Variants in CAMK1D observed in about 807,000 individuals in gnomAD.
CAMK1D encodes the protein calcium/calmodulin-dependent protein kinase type 1D.
CAMK1D carries 9 observed loss-of-function variants against 47.7 expected under a neutral mutation model. That is an observed-to-expected ratio of 0.19 (90% CI 0.11 to 0.33). The LOEUF (loss-of-function observed/expected upper bound fraction) is 0.33. CAMK1D is among the 10% of genes least tolerant of loss of function. The probability of loss-of-function intolerance (pLI) is 1.00; values close to 1 mark genes in which losing one functional copy is unlikely to be tolerated. For missense variants in CAMK1D, 291 were observed against 488.7 expected (o/e 0.60, Z 3.81); for synonymous variants, 184 against 184.9 (o/e 0.99, Z 0.04).
chr10:12,825,653 T>C lies in CAMK1D; in HGVS notation c.1002T>C (p.Ser334=). 1 of 1,614,234 alleles carries C rather than the reference T, an allele frequency of 6.2e-7. No individual in the cohort carries two copies. Residue 334 remains serine, a synonymous_variant, in exon 10 of 11, where the codon AGT becomes AGC. Coordinates refer to ENST00000619168, the MANE Select transcript of CAMK1D (RefSeq NM_153498.4). ...LGSSLDSSNA[S]VSSSLSLASQ... is the part of the protein sequence containing the mutation. ...GCAGCCTGGACAGTTCAAATGCAAG[T>C]GTTTCGAGCAGCCTCAGTTTGGCCA... is the stretch of plus-strand genomic sequence containing the variant.
chr10:12,805,866 A>T (rs534271844), intron 6 of CAMK1D, among the ~76,000 whole-genome samples: 1 of 152,338 alleles, frequency 6.6e-6, no homozygotes, highest in South Asian at 2.1e-4. Flanking sequence ...CAGGGTTGCA[A>T]AAAGGAATGA....
chr10:12,754,119 G>A (rs887080419), intron 3 of CAMK1D, among the ~76,000 whole-genome samples: 1 of 152,094 alleles, frequency 6.6e-6, no homozygotes, highest in African/African-American at 2.4e-5. Flanking sequence ...TTGAACTCCT[G>A]ACCTCAGGTG....
At chr10:12,681,935 G>C (rs1273779052) in intron 3 of CAMK1D, among the ~76,000 whole-genome samples, 1 of 152,170 alleles carries the variant, frequency 6.6e-6, no homozygotes, top group Non-Finnish European at 1.5e-5. Context: ...ATAAGAGTTA[G>C]TTGGCTGGGT....
At chr10:12,523,519 G>T (rs1317717925) in intron 1 of CAMK1D, among the ~76,000 whole-genome samples, 2 of 151,788 alleles carry the variant, frequency 1.3e-5, no homozygotes, top group Admixed American at 1.3e-4. Flanking sequence ...GAGGCTGGCG[G>T]ATCACTCGCA....
At chr10:12,688,298 T>C (rs1832736553) in intron 3 of CAMK1D, among the ~76,000 whole-genome samples, 1 of 152,248 alleles carries the variant, frequency 6.6e-6, no homozygotes, top group Admixed American at 6.5e-5. Context: ...CTCTGCTTAG[T>C]GTGAATGACT....
At chr10:12,743,355 A>AAAAAAAAAAAAAAAAAAAAAG (rs1461631779) in intron 3 of CAMK1D, among the ~76,000 whole-genome samples, 6 of 118,146 alleles carry the variant, frequency 5.1e-5, no homozygotes, top group African/African-American at 1.4e-4. Flanking sequence ...TCAAAAAAAA[A>AAAAAAAAAAAAAAAAAAAAAG]AAAAGAAAAA....
chr10:12,351,162 T>C (rs1035022158), intron 1 of CAMK1D, among the ~76,000 whole-genome samples: 5 of 152,178 alleles, frequency 3.3e-5, no homozygotes, highest in Non-Finnish European at 7.3e-5. Flanking sequence ...TGAGGGTGGC[T>C]TTCCCAGTCC....
At chr10:12,827,444 T>C (rs201847405) in intron 10 of CAMK1D, among the ~76,000 whole-genome samples, 584 of 45,666 alleles carry the variant, frequency 0.013, 231 homozygotes, top group Middle Eastern at 0.048. Flanking sequence ...TCCTTCTTTC[T>C]TTCTTTCTTT....
rs186463776 is a variant in CAMK1D, at chr10:12,459,047, T to G, written c.93-94178T>G. ...GGATGCGCCACCACGTGTGGCTGAT[T>G]TTTGTATTTTTAGTAGAGACGGGGT... On this transcript the variant is annotated intron_variant, in intron 1 of 10. Transcript: ENST00000619168. 9.1e-3 allele frequency among the ~76,000 whole-genome samples: 1,384 copies of G among 152,102 alleles called. 7 individuals are homozygous for G. Among genetic ancestry groups the G allele is most frequent in the Non-Finnish European group, 0.015 (1,029 of 67,996 alleles).
chr10:12,440,115 C>A (rs1288061500), intron 1 of CAMK1D, among the ~76,000 whole-genome samples: 1 of 152,158 alleles, frequency 6.6e-6, no homozygotes, highest in Non-Finnish European at 1.5e-5. Flanking sequence ...AACCATATCA[C>A]TTGTCTTACT....
intron 8 of CAMK1D, among the ~76,000 whole-genome samples, chr10:12,820,730 AAGGCAGCCGGCCTCTTAGCAGATGG>A (rs935280636): frequency 5.9e-5 from 9 of 152,338 alleles, no homozygotes; most frequent in African/African-American, 1.4e-4. Context: ...TCCCCCTTGG[AAGGCAGCCGGCCTCTTAGCAGATGG>A]AGGCAGCCGG....
chr10:12,824,508 G>T lies in CAMK1D; in HGVS notation c.877G>T (p.Val293Phe). The change falls in exon 9 of 11, where the codon GTC (valine) becomes TTC (phenylalanine). Residue 293 changes from valine (V) to phenylalanine (F), a missense_variant. This residue lies in a region of CAMK1D where 219 missense variants were observed against 424.3 expected (regional missense o/e 0.52). Transcript: ENST00000619168. ...CCTCAACAAAAACATCCACGAGTCC[G>T]TCAGCGCCCAGATCCGGAAAAACTT... is the stretch of plus-strand genomic sequence containing the variant. ...TALNKNIHES[V>F]SAQIRKNFAK... is the part of the protein sequence containing the mutation. The T allele has an allele frequency of 6.2e-7, 1 of 1,614,132 alleles. No individual in the cohort carries two copies. The highest frequency in any genetic ancestry group is 8.5e-7 in the Non-Finnish European group (1 of 1,180,010).
intron 3 of CAMK1D, among the ~76,000 whole-genome samples, chr10:12,694,137 T>TA (rs1833094034): frequency 4.7e-5 from 1 of 21,494 alleles, no homozygotes; most frequent in African/African-American, 1.5e-4. Flanking sequence ...ATATATTATA[T>TA]ATAATATAAT....
intron 3 of CAMK1D, among the ~76,000 whole-genome samples, chr10:12,676,863 G>T (rs12218334): frequency 0.013 from 1,946 of 152,224 alleles, 40 homozygotes; most frequent in South Asian, 0.11. Context: ...TTTGTGAGGG[G>T]GAGTAAAGTT....
intron 3 of CAMK1D, among the ~76,000 whole-genome samples, chr10:12,713,892 G>A (rs1834023600): frequency 6.6e-6 from 1 of 152,248 alleles, no homozygotes; most frequent in South Asian, 2.1e-4. Flanking sequence ...GTGGGCTCAT[G>A]TTGGCTAAGT....
chr10:12,714,334 C>T (rs1834039180), intron 3 of CAMK1D, among the ~76,000 whole-genome samples: 1 of 152,154 alleles, frequency 6.6e-6, no homozygotes, highest in Non-Finnish European at 1.5e-5. Flanking sequence ...TGGAACAGTA[C>T]ACTTACATGC....
intron 2 of CAMK1D, among the ~76,000 whole-genome samples, chr10:12,572,207 G>A (rs1354223661): frequency 6.6e-6 from 1 of 152,110 alleles, no homozygotes; most frequent in African/African-American, 2.4e-5. Context: ...TAATCCCCAT[G>A]TGTCAAGGGA....
At chr10:12,421,854 T>C (rs1038242452) in intron 1 of CAMK1D, among the ~76,000 whole-genome samples, 3 of 150,862 alleles carry the variant, frequency 2.0e-5, no homozygotes, top group Admixed American at 2.0e-4. Flanking sequence ...TCTTGCTCTG[T>C]CACCCAGGCT....
intron 3 of CAMK1D, among the ~76,000 whole-genome samples, chr10:12,735,321 T>C (rs1051304437): frequency 6.6e-6 from 1 of 151,686 alleles, no homozygotes; most frequent in Non-Finnish European, 1.5e-5. Flanking sequence ...ACTAAAAATA[T>C]TAAAAAATTA....
Sources: gnomAD v4.1 joint callset for allele counts (sites outside exome capture counted in the v4.1 genomes callset) on GRCh38, gnomAD v4.1.1 for gene constraint, gnomAD v4.1.1 regional missense constraint, MANE v1.5 for transcripts, NCBI Gene and HGNC (gene_info 2026-07-23, HGNC 2026-07-21) for gene names.